SYTL2: variants seen among roughly 807,000 people sequenced by gnomAD.
SYTL2 encodes the protein synaptotagmin like 2.
A neutral mutation model predicts 198.7 loss-of-function variants in SYTL2; 165 were observed. That is an observed-to-expected ratio of 0.83 (90% confidence interval 0.73 to 0.94). The LOEUF is 0.94. SYTL2 is among the 40% of genes least tolerant of loss of function. The probability of loss-of-function intolerance (pLI) is 0.00; values close to 1 mark genes in which losing one functional copy is unlikely to be tolerated. For synonymous variants in SYTL2, 966 were observed against 917.7 expected, an observed-to-expected ratio of 1.05 and a Z score of -0.95; for missense variants, 2,835 against 2,582.8, an observed-to-expected ratio of 1.10 and a Z score of -2.12.
Position 85,725,194 on chromosome 11 carries a change from T to G in SYTL2, c.4164A>C (p.Gly1388=). 1 of 1,614,160 alleles carries G rather than the reference T, an allele frequency of 6.2e-7. No individual in the cohort carries two copies. The highest frequency in any genetic ancestry group is 8.5e-7 in the Non-Finnish European group (1 of 1,180,002). The part of the protein sequence containing the change: ...CGEVWLSYPA[G]REVGPGEVNP... Reference sequence around the variant, plus strand: ...TCACTTCTCCAGGACCTACTTCCCTTCCAGCTGGATAACTTAACCATACTT... The same window carrying G: ...TCACTTCTCCAGGACCTACTTCCCTGCCAGCTGGATAACTTAACCATACTT... Residue 1388 remains glycine, a synonymous_variant, in exon 8 of 20, where the codon GGA becomes GGC. Transcript: ENST00000359152.
the SYTL2 span, among the ~76,000 whole-genome samples, chr11:85,833,932 T>A: frequency 6.6e-6 from 1 of 151,762 alleles, no homozygotes; most frequent in African/African-American, 2.4e-5. Context: ...AGAGACGGGG[T>A]TTCGCCAAGT....
chr11:85,711,969 G>A, intron 12 of SYTL2, among the ~76,000 whole-genome samples: 1 of 152,124 alleles, frequency 6.6e-6, no homozygotes, highest in African/African-American at 2.4e-5. Flanking sequence ...AAAGAAAAGT[G>A]ACAGTAACAA....
chr11:85,728,848 G>A lies in SYTL2; in HGVS notation c.1391-881C>T, dbSNP rs549902301. On this transcript the variant is annotated intron_variant, in intron 7 of 19. Transcript: ENST00000359152. ...GGAAAATGAGGATATTTCCATTCCT[G>A]GGCCTTACTATTGATGTATTGAATG... Among the ~76,000 whole-genome samples, 4 of 152,228 alleles carry A rather than the reference G, an allele frequency of 2.6e-5. No homozygotes were observed. In the South Asian group the frequency reaches 8.3e-4, roughly 32 times the overall value.
At chr11:85,836,632 T>C in the SYTL2 span, among the ~76,000 whole-genome samples, 1 of 152,180 alleles carries the variant, frequency 6.6e-6, no homozygotes, top group Non-Finnish European at 1.5e-5. Context: ...ATGATGGCTC[T>C]TGACACATAT....
chr11:85,712,837 C>T (rs2086556402), intron 12 of SYTL2, among the ~76,000 whole-genome samples: 1 of 152,096 alleles, frequency 6.6e-6, no homozygotes, highest in African/African-American at 2.4e-5. Flanking sequence ...CTGCCTTACC[C>T]TCTCAAGTAG....
chr11:85,697,826 G>A (rs553737066), intron 18 of SYTL2, among the ~76,000 whole-genome samples, 153 bp downstream of exon 18: 18 of 152,306 alleles, frequency 1.2e-4, no homozygotes, highest in African/African-American at 4.1e-4. Flanking sequence ...GAGAGTTCAT[G>A]ATATAGATTC....
At position 85,734,411 on chromosome 11, in the gene SYTL2, G is replaced by A. The variant is rs143233170; in HGVS notation, c.918C>T (p.Thr306=). Residue 306 remains threonine, a synonymous_variant, in exon 7 of 20, where the codon ACC becomes ACT. Coordinates refer to ENST00000359152, the MANE Select transcript of SYTL2 (RefSeq NM_206927.4). ...CCTTCTCAGAAATTCTCTCATGGAT[G>A]GTTAGGCCAGGTGACACAATTTTGC... ...PKSKIVSPGL[T]IHERISEKEH... is the part of the protein sequence containing the mutation. The A allele has an allele frequency of 4.0e-5, 64 of 1,614,030 alleles. 1 individual carries two copies. Among genetic ancestry groups the A allele is most frequent in the East Asian group, 2.9e-4 (13 of 44,898 alleles).
At chr11:85,758,353 T>C (rs1486980930) in intron 1 of SYTL2, among the ~76,000 whole-genome samples, 1 of 152,008 alleles carries the variant, frequency 6.6e-6, no homozygotes, top group African/African-American at 2.4e-5. Flanking sequence ...TCCACCTGAG[T>C]AAAGGATGGT....
chr11:85,787,289 G>A (rs1406916114), intron 1 of SYTL2, among the ~76,000 whole-genome samples: 3 of 152,204 alleles, frequency 2.0e-5, no homozygotes, highest in Admixed American at 2.0e-4. Context: ...TTCATAAAAG[G>A]CCTTGCTCAA....
intron 1 of SYTL2, among the ~76,000 whole-genome samples, chr11:85,769,709 T>C (rs1190091493): frequency 2.0e-5 from 3 of 152,152 alleles, no homozygotes; most frequent in Admixed American, 6.5e-5. Context: ...TTTAAGAGGC[T>C]GAAGAAGAGA....
intron 1 of SYTL2, among the ~76,000 whole-genome samples, chr11:85,788,398 T>C (rs948427116): frequency 6.6e-6 from 1 of 152,192 alleles, no homozygotes; most frequent in African/African-American, 2.4e-5. Context: ...AAACAGTAAG[T>C]TGCAGAGTTA....
At position 85,724,530 on chromosome 11, in the gene SYTL2, G is replaced by A. The variant is rs758708860; in HGVS notation, c.4828C>T (p.His1610Tyr). The change falls in exon 8 of 20, where the codon CAT (histidine) becomes TAT (tyrosine). Residue 1610 changes from histidine to tyrosine, a missense_variant. Around this residue, in one of 3 missense-constraint regions of SYTL2, gnomAD observed 2,645 missense variants for 2,381.7 expected, o/e 1.11. Transcript: ENST00000359152. ...EQTRFLGTVP[H>Y]FYRAASQTSE... Reference sequence around the variant, plus strand: ...GTCTGTGAGGCTGCCCTGTAAAAATGGGGCACTGTCCCCAAGAACCTGGTC... The same window carrying A: ...GTCTGTGAGGCTGCCCTGTAAAAATAGGGCACTGTCCCCAAGAACCTGGTC... The A allele has an allele frequency of 1.2e-6, 2 of 1,613,776 alleles. No individual in the cohort carries two copies. The highest frequency in any genetic ancestry group is 2.7e-5 in the African/African-American group (2 of 74,916).
At chr11:85,699,561 C>A (rs1371019809) in intron 17 of SYTL2, among the ~76,000 whole-genome samples, 1 of 151,874 alleles carries the variant, frequency 6.6e-6, no homozygotes, top group Admixed American at 6.6e-5. Flanking sequence ...CCCTCTAATT[C>A]TTTCTTTTTT....
the SYTL2 span, among the ~76,000 whole-genome samples, chr11:85,832,503 C>T: frequency 1.3e-5 from 2 of 152,200 alleles, no homozygotes; most frequent in Non-Finnish European, 2.9e-5. Context: ...AACTTTACAG[C>T]CAGTGATGAA....
chr11:85,704,871 G>A lies in SYTL2; in HGVS notation c.6176C>T (p.Pro2059Leu), dbSNP rs747031346. 10 of 1,612,724 alleles carry A rather than the reference G, an allele frequency of 6.2e-6. No homozygotes were observed. Among genetic ancestry groups the A allele is most frequent in the African/African-American group, 4.0e-5 (3 of 74,862 alleles). ...NKQNKQLRWY[P>L]LKRKTAPVAL... ...TTCCGGACTCACCTTCCGCTTCAGA[G>A]GGTACCATCTCAATTGTTTATTCTG... Residue 2059 changes from proline (P) to leucine (L), a missense_variant, in exon 16 of 20, where the codon CCT (proline) becomes CTT (leucine). This residue lies in a region of SYTL2 where 2,645 missense variants were observed against 2,381.7 expected (regional missense o/e 1.11). Coordinates refer to ENST00000359152, the MANE Select transcript of SYTL2 (RefSeq NM_206927.4).
intron 1 of SYTL2, among the ~76,000 whole-genome samples, chr11:85,768,103 T>G (rs1392401799): frequency 6.6e-6 from 1 of 152,194 alleles, no homozygotes; most frequent in Non-Finnish European, 1.5e-5. Context: ...GACTTTGTGC[T>G]CTAGGCACTT....
the SYTL2 span, among the ~76,000 whole-genome samples, chr11:85,840,713 A>T: frequency 6.6e-6 from 1 of 152,200 alleles, no homozygotes; most frequent in Admixed American, 6.5e-5. Context: ...CATCAAAATT[A>T]ACTCAAGATG....
rs922666490 is a variant in SYTL2, at chr11:85,719,139, G to A, written c.5429-296C>T. The A allele has an allele frequency of 7.7e-6, 11 of 1,426,696 alleles. No homozygotes were observed. In the Admixed American group the frequency reaches 2.1e-4, roughly 28 times the overall value. The allele number at this position is 1,426,696 out of a possible 1,614,324, so 88.4% of individuals were successfully genotyped here. On this transcript the variant is annotated intron_variant, in intron 9 of 19. Transcript: ENST00000359152. ...ATCGGCCAGCAGCAGGAGAAAGCACGGGGCTGCAACAGCCTCTCTATTCTT... is the reference window on the plus strand; with the variant it reads ...ATCGGCCAGCAGCAGGAGAAAGCACAGGGCTGCAACAGCCTCTCTATTCTT...
At chr11:85,829,611 C>G in the SYTL2 span, among the ~76,000 whole-genome samples, 45 of 152,158 alleles carry the variant, frequency 3.0e-4, no homozygotes, top group African/African-American at 1.1e-3. Context: ...GTTTTAAGTT[C>G]TTTGAGAAAC....
Sources: gnomAD v4.1 joint callset for allele counts (sites outside exome capture counted in the v4.1 genomes callset) on GRCh38, gnomAD v4.1.1 for gene constraint, gnomAD v4.1.1 regional missense constraint, MANE v1.5 for transcripts, NCBI Gene and HGNC (gene_info 2026-07-23, HGNC 2026-07-21) for gene names.